MVB12B: variants seen among roughly 807,000 people sequenced by gnomAD.
MVB12B encodes multivesicular body subunit 12B, also known as ESCRT-I complex subunit MVB12B.
In MVB12B, 16 loss-of-function variants were observed where a neutral mutation model predicts 41.6. The ratio of observed to expected loss-of-function variants is 0.38; its 90% confidence interval spans 0.26 to 0.58. The LOEUF is 0.58. Among genes scored for constraint, MVB12B ranks in the 20% least tolerant of loss-of-function variants. The pLI is 0.62. For synonymous variants in MVB12B, 133 were observed against 139.7 expected (o/e 0.95, Z 0.34); for missense variants, 274 against 380.2 (o/e 0.72, Z 2.32).
rs73668018 is a variant in MVB12B, at chr9:126,389,605, C to T, written c.410-2461C>T. On this transcript the variant is annotated intron_variant, in intron 4 of 9. Transcript: ENST00000361171. The surrounding 1 kb of genome is among the most constrained non-coding windows in gnomAD (Gnocchi z 4.4). ...GACGGAAGAATGGAGCCAAGAGCAG[C>T]GTGGCAACAGCAAGTGAAACACCCG... Among the ~76,000 whole-genome samples the T allele has an allele frequency of 0.094, 14,324 of 152,188 alleles. 732 individuals are homozygous for T. The highest frequency in any genetic ancestry group is 0.11 in the Non-Finnish European group (7,472 of 67,988).
chr9:126,428,679 T>C (rs1832247466), intron 7 of MVB12B, among the ~76,000 whole-genome samples: 2 of 152,206 alleles, frequency 1.3e-5, no homozygotes, highest in Admixed American at 6.5e-5. Flanking sequence ...GTAATGTTCA[T>C]GGTTTGATGC....
At chr9:126,443,689 G>A (rs1832699441) in intron 7 of MVB12B, among the ~76,000 whole-genome samples, 1 of 152,068 alleles carries the variant, frequency 6.6e-6, no homozygotes, top group Non-Finnish European at 1.5e-5. Context: ...CTACCTAATT[G>A]TCCATTCTGG....
At chr9:126,346,899 G>A (rs1006456977) in intron 2 of MVB12B, among the ~76,000 whole-genome samples, 6 of 152,272 alleles carry the variant, frequency 3.9e-5, no homozygotes, top group African/African-American at 1.2e-4. Flanking sequence ...GGAGATGGTT[G>A]TGAACTTGGT....
In MVB12B at chr9:126,340,653, A is replaced by G; in HGVS notation, c.204+23A>G. On this transcript the variant is annotated intron_variant, in intron 2 of 9. Coordinates refer to ENST00000361171, the MANE Select transcript of MVB12B (RefSeq NM_033446.3). The surrounding 1 kb of genome is among the most constrained non-coding windows in gnomAD (Gnocchi z 4.0). ...GTAGTAAGTCAAGATACTAGTTTGT[A>G]CATTTTGCTCACTGATTCTACAAGT... is the stretch of plus-strand genomic sequence containing the variant. 1.2e-6 allele frequency: 2 copies of G among 1,611,310 alleles called. No individual in the cohort carries two copies. The highest frequency in any genetic ancestry group is 1.7e-6 in the Non-Finnish European group (2 of 1,177,946).
Position 126,480,241 on chromosome 9 carries a change from C to G in MVB12B, c.758-1128C>G, listed in dbSNP as rs1169572140. On this transcript the variant is annotated intron_variant, in intron 7 of 9. Coordinates refer to ENST00000361171, the MANE Select transcript of MVB12B (RefSeq NM_033446.3). The surrounding 1 kb of genome is among the most constrained non-coding windows in gnomAD (Gnocchi z 4.9). ...CCTGCACTCATGACCAGGCCCCTAA[C>G]AACTGCGGCTGCATGTTCCCGACTC... is the stretch of plus-strand genomic sequence containing the variant. 6.6e-6 allele frequency among the ~76,000 whole-genome samples: 1 copy of G among 152,168 alleles called. No homozygotes were observed. The highest frequency in any genetic ancestry group is 2.4e-5 in the African/African-American group (1 of 41,430).
At chr9:126,456,223 C>A (rs1007358111) in intron 7 of MVB12B, among the ~76,000 whole-genome samples, 3 of 152,160 alleles carry the variant, frequency 2.0e-5, no homozygotes, top group African/African-American at 7.2e-5. Context: ...CTTCCCAATA[C>A]AGTAATTAGA....
At chr9:126,421,615 G>C (rs1832022013) in intron 6 of MVB12B, among the ~76,000 whole-genome samples, 1 of 152,180 alleles carries the variant, frequency 6.6e-6, no homozygotes, top group Admixed American at 6.5e-5. Flanking sequence ...CTTCCTCTTG[G>C]ATGTCCTTTC....
intron 7 of MVB12B, among the ~76,000 whole-genome samples, chr9:126,449,472 A>AT (rs1832852923): frequency 6.6e-6 from 1 of 151,782 alleles, no homozygotes; most frequent in Non-Finnish European, 1.5e-5. Flanking sequence ...GATGAGAGTG[A>AT]CCCCCCACAG....
At chr9:126,476,689 A>G (rs1273537125) in intron 7 of MVB12B, among the ~76,000 whole-genome samples, 2 of 152,034 alleles carry the variant, frequency 1.3e-5, no homozygotes, top group Non-Finnish European at 2.9e-5. Flanking sequence ...ATCCTGGCTA[A>G]CACGGTGAAA....
Position 126,367,630 on chromosome 9 carries a change from C to T in MVB12B, c.205-13434C>T, listed in dbSNP as rs780780809. 3.0e-4 allele frequency among the ~76,000 whole-genome samples: 46 copies of T among 152,214 alleles called. No individual in the cohort carries two copies. Among genetic ancestry groups the T allele is most frequent in the South Asian group, 6.2e-4 (3 of 4,830 alleles). On this transcript the variant is annotated intron_variant, in intron 2 of 9. Transcript: ENST00000361171. This position sits in a 1 kb window ranked among gnomAD's most constrained non-coding sequence, Gnocchi z 4.3. Reference sequence around the variant, plus strand: ...CAGCACTTGGCGCTCCCTTACAGCACGGAGGTGATTCTGTCTTACACTTCT... The same window carrying T: ...CAGCACTTGGCGCTCCCTTACAGCATGGAGGTGATTCTGTCTTACACTTCT...
chr9:126,469,791 TG>T (rs748358532), intron 7 of MVB12B, among the ~76,000 whole-genome samples: 41 of 152,226 alleles, frequency 2.7e-4, no homozygotes, highest in Non-Finnish European at 5.7e-4. Flanking sequence ...ACTGACCCAG[TG>T]GCCCCTCAGC....
At chr9:126,457,311 G>C (rs1240851063) in intron 7 of MVB12B, among the ~76,000 whole-genome samples, 1 of 152,154 alleles carries the variant, frequency 6.6e-6, no homozygotes, top group Non-Finnish European at 1.5e-5. Context: ...CACTTCAAGG[G>C]AGGTACTGCT....
At chr9:126,433,984 A>T (rs1351177195) in intron 7 of MVB12B, among the ~76,000 whole-genome samples, 2 of 152,160 alleles carry the variant, frequency 1.3e-5, no homozygotes, top group African/African-American at 2.4e-5. Context: ...CAGTCGCACA[A>T]GCTTTGGTGA....
intron 9 of MVB12B, among the ~76,000 whole-genome samples, chr9:126,496,368 TCCACTCAG>T (rs1177761245): frequency 1.6e-5 from 2 of 127,848 alleles, no homozygotes; most frequent in African/African-American, 2.9e-5. Flanking sequence ...CACCTGCCCA[TCCACTCAG>T]CCACTACCTA....
chr9:126,457,047 T>A (rs1412220693), intron 7 of MVB12B, among the ~76,000 whole-genome samples: 1 of 152,136 alleles, frequency 6.6e-6, no homozygotes, highest in African/African-American at 2.4e-5. Flanking sequence ...TCAGAAGCCC[T>A]TGCACTAGGC....
chr9:126,482,344 C>G (rs953721843), intron 8 of MVB12B, among the ~76,000 whole-genome samples: 16 of 152,250 alleles, frequency 1.1e-4, no homozygotes, highest in African/African-American at 3.9e-4. Context: ...TTTCTTGGAT[C>G]CAGCTTAAAA....
At chr9:126,438,767 G>A (rs1198519660) in intron 7 of MVB12B, among the ~76,000 whole-genome samples, 4 of 152,044 alleles carry the variant, frequency 2.6e-5, no homozygotes, top group African/African-American at 4.8e-5. Context: ...TTGGATATGC[G>A]GTATTTTAAA....
At chr9:126,355,123 C>T (rs1031593027) in intron 2 of MVB12B, among the ~76,000 whole-genome samples, 1 of 152,222 alleles carries the variant, frequency 6.6e-6, no homozygotes, top group African/African-American at 2.4e-5. Flanking sequence ...CGCTCGTTTC[C>T]TATCCCACAG....
At chr9:126,377,441 G>A (rs1830513299) in intron 2 of MVB12B, among the ~76,000 whole-genome samples, 1 of 152,192 alleles carries the variant, frequency 6.6e-6, no homozygotes, top group African/African-American at 2.4e-5. Flanking sequence ...AAATGGATAT[G>A]TGTCTCAGAG....
Sources: allele counts gnomAD v4.1 joint callset (sites outside exome capture counted in the v4.1 genomes callset), GRCh38; gene constraint gnomAD v4.1.1; non-coding constraint Gnocchi (gnomAD v3.1); transcripts MANE v1.5; gene names NCBI Gene and HGNC (gene_info 2026-07-23, HGNC 2026-07-21).